MACROD2: variants seen among roughly 807,000 people sequenced by gnomAD.
The protein encoded by MACROD2 is mono-ADP ribosylhydrolase 2, also known as ADP-ribose glycohydrolase MACROD2.
In MACROD2, 36 loss-of-function variants were observed where a neutral mutation model predicts 70.4. That is an observed-to-expected ratio of 0.51 (90% CI 0.39 to 0.68). The LOEUF (loss-of-function observed/expected upper bound fraction) is 0.68, where lower values mean the gene tolerates loss of function less well. Ranked by LOEUF, MACROD2 falls within the 30% of genes least tolerant of loss-of-function variation. MACROD2 has a pLI of 0.00. For missense variants in MACROD2, 496 were observed against 538.4 expected (o/e 0.92, Z 0.78); for synonymous variants, 172 against 178.8 (o/e 0.96, Z 0.30).
chr20:15,027,009 G>C (rs906900564), intron 5 of MACROD2, among the ~76,000 whole-genome samples: 1 of 152,086 alleles, frequency 6.6e-6, no homozygotes, highest in African/African-American at 2.4e-5. Context: ...TAGGCAGAAA[G>C]CTCAAATACC....
intron 8 of MACROD2, among the ~76,000 whole-genome samples, chr20:15,643,967 A>G (rs1160298227): frequency 1.1e-4 from 17 of 152,198 alleles, no homozygotes. Flanking sequence ...TGGGAATAAA[A>G]AAGGATAATG....
At chr20:15,425,741 G>A (rs547950580) in intron 6 of MACROD2, among the ~76,000 whole-genome samples, 2 of 152,172 alleles carry the variant, frequency 1.3e-5, no homozygotes, top group Admixed American at 6.5e-5. Flanking sequence ...GGAGCTGAAG[G>A]TGGAGTCATT....
At chr20:15,206,084 T>C (rs544279175) in intron 5 of MACROD2, among the ~76,000 whole-genome samples, 1 of 152,232 alleles carries the variant, frequency 6.6e-6, no homozygotes, top group South Asian at 2.1e-4. Flanking sequence ...GTGTGTGTGA[T>C]GACAAGCAAA....
intron 6 of MACROD2, among the ~76,000 whole-genome samples, chr20:15,276,176 G>A (rs1199315738): frequency 3.9e-5 from 6 of 152,034 alleles, no homozygotes; most frequent in African/African-American, 7.2e-5. Context: ...CGAGGCGGGC[G>A]GATCACAAGG....
At chr20:14,808,772 A>AT (rs1178636950) in intron 5 of MACROD2, among the ~76,000 whole-genome samples, 2 of 151,086 alleles carry the variant, frequency 1.3e-5, no homozygotes, top group African/African-American at 2.4e-5. Flanking sequence ...AAAAAAAAAA[A>AT]GCAGGGGTTG....
At chr20:16,044,665 T>C (rs982052774) in intron 17 of MACROD2, 26 bp downstream of exon 17, 2 of 1,592,562 alleles carry the variant, frequency 1.3e-6, no homozygotes, top group Middle Eastern at 1.7e-4. Context: ...TGGTGAGATT[T>C]TCAATGATCA....
intron 3 of MACROD2, among the ~76,000 whole-genome samples, chr20:14,195,944 G>A (rs924617639): frequency 6.6e-6 from 1 of 152,152 alleles, no homozygotes; most frequent in African/African-American, 2.4e-5. Flanking sequence ...GATAAGGCAG[G>A]GGTCTAATTG....
At chr20:14,145,068 T>A (rs1467327624) in intron 3 of MACROD2, among the ~76,000 whole-genome samples, 1 of 152,164 alleles carries the variant, frequency 6.6e-6, no homozygotes, top group African/African-American at 2.4e-5. Flanking sequence ...TCCTACCACA[T>A]CTTCCCTGTA....
intron 5 of MACROD2, among the ~76,000 whole-genome samples, chr20:15,085,858 AACACACACACACACAACACACACACAC>A (rs1325512746): frequency 5.2e-5 from 7 of 135,766 alleles, no homozygotes; most frequent in African/African-American, 1.1e-4. Flanking sequence ...AAAGATGAAT[AACACACACACACACAACACACACACAC>A]ACACACACAC....
At chr20:15,301,049 G>A (rs1164523917) in intron 6 of MACROD2, among the ~76,000 whole-genome samples, 1 of 152,150 alleles carries the variant, frequency 6.6e-6, no homozygotes, top group Non-Finnish European at 1.5e-5. Flanking sequence ...AGAGGAGAAC[G>A]TGTTCTGCTT....
intron 5 of MACROD2, among the ~76,000 whole-genome samples, chr20:14,752,237 C>G (rs1415214012): frequency 6.6e-6 from 1 of 151,796 alleles, no homozygotes; most frequent in Non-Finnish European, 1.5e-5. Flanking sequence ...ATATTTCTTC[C>G]AAGATGTTTC....
intron 6 of MACROD2, among the ~76,000 whole-genome samples, chr20:15,396,910 T>A (rs2045867343): frequency 6.6e-6 from 1 of 152,186 alleles, no homozygotes; most frequent in African/African-American, 2.4e-5. Flanking sequence ...CATGAGTTGT[T>A]CTATGGAAGG....
intron 8 of MACROD2, among the ~76,000 whole-genome samples, chr20:15,752,357 A>G (rs1029243538): frequency 6.6e-6 from 1 of 152,064 alleles, no homozygotes; most frequent in Admixed American, 6.6e-5. Flanking sequence ...GTTAGTCTAT[A>G]GTGTTATTCC....
At chr20:15,086,939 T>C (rs576647464) in intron 5 of MACROD2, among the ~76,000 whole-genome samples, 230 of 152,284 alleles carry the variant, frequency 1.5e-3, no homozygotes, top group African/African-American at 5.2e-3. Flanking sequence ...TCCATATTTT[T>C]CTAGAGATGT....
intron 5 of MACROD2, among the ~76,000 whole-genome samples, chr20:14,737,273 G>A (rs2071678133): frequency 6.6e-6 from 1 of 152,136 alleles, no homozygotes; most frequent in Non-Finnish European, 1.5e-5. Context: ...TCCCTGCAAA[G>A]GACGTGAACT....
intron 8 of MACROD2, among the ~76,000 whole-genome samples, chr20:15,559,262 GCTGA>G (rs2048210777): frequency 6.7e-6 from 1 of 150,228 alleles, no homozygotes; most frequent in Admixed American, 6.6e-5. Flanking sequence ...AGATTCTCAG[GCTGA>G]CTATCACATG....
At chr20:14,797,321 A>G (rs1436366846) in intron 5 of MACROD2, among the ~76,000 whole-genome samples, 2 of 152,014 alleles carry the variant, frequency 1.3e-5, no homozygotes, top group Middle Eastern at 3.2e-3. Flanking sequence ...ATGACCGGCC[A>G]TTGCCTTTGG....
At chr20:15,280,155 CAAG>C (rs570643963) in intron 6 of MACROD2, among the ~76,000 whole-genome samples, 3 of 152,208 alleles carry the variant, frequency 2.0e-5, no homozygotes, top group East Asian at 3.9e-4. Flanking sequence ...ATTTTTATAA[CAAG>C]GAGTTTAACA....
chr20:15,512,414 A>G (rs2047512175), intron 8 of MACROD2, among the ~76,000 whole-genome samples: 1 of 152,242 alleles, frequency 6.6e-6, no homozygotes, highest in African/African-American at 2.4e-5. Flanking sequence ...CCTCTATGCA[A>G]GAGATGCATT....
Sources: allele counts gnomAD v4.1 joint callset (sites outside exome capture counted in the v4.1 genomes callset), GRCh38; gene constraint gnomAD v4.1.1; transcripts MANE v1.5; gene names NCBI Gene and HGNC (gene_info 2026-07-23, HGNC 2026-07-21).